Variants in CCDC71 observed in about 807,000 individuals in gnomAD.
CCDC71 encodes coiled-coil domain containing 71, also known as coiled-coil domain-containing protein 71.
For missense variants in CCDC71, 594 were observed against 604.0 expected (o/e 0.98, Z 0.17); for synonymous variants, 257 against 242.2 (o/e 1.06, Z -0.57).
In CCDC71 at chr3:49,162,703, CG is replaced by C. The variant is rs1400231496; in HGVS notation, c.*101del. On this transcript the variant is annotated 3_prime_UTR_variant, in exon 2 of 2. Coordinates refer to ENST00000321895, the MANE Select transcript of CCDC71 (RefSeq NM_022903.4). ...GGTCACCAGGGCCCTAGAGAGGCAC[CG>C]GGAGTCCTCAAGATTGTGGAGTCCA... is the stretch of plus-strand genomic sequence containing the variant. The C allele has an allele frequency of 5.2e-6, 6 of 1,164,758 alleles. No individual in the cohort carries two copies. The highest frequency in any genetic ancestry group is 5.8e-6 in the Non-Finnish European group (5 of 868,108). 72.2% of individuals were successfully genotyped at this position (1,164,758 alleles called of 1,614,324 possible).
In CCDC71 at chr3:49,163,761, T is replaced by C. The variant is rs1194510233; in HGVS notation, c.448A>G (p.Ser150Gly). 2 of 1,614,138 alleles carry C rather than the reference T, an allele frequency of 1.2e-6. No homozygotes were observed. Among genetic ancestry groups the C allele is most frequent in the South Asian group, 2.2e-5 (2 of 91,086 alleles). ...GCTGCACCCCGGGCATGGCTGGCAC[T>C]TGATTGCTTCAGAGAGCTCAGCAGC... ...NLLLSSLKQS[S>G]ASHARGAAVG... The change falls in exon 2 of 2, where the codon AGT becomes GGT. Residue 150 changes from serine (S) to glycine (G), a missense_variant. Coordinates refer to ENST00000321895, the MANE Select transcript of CCDC71 (RefSeq NM_022903.4).
rs2045706146 is a variant in CCDC71, at chr3:49,163,598, G to A, written c.611C>T (p.Ser204Leu). The change falls in exon 2 of 2, where the codon TCA becomes TTA. Residue 204 changes from serine to leucine, a missense_variant. Coordinates refer to ENST00000321895, the MANE Select transcript of CCDC71 (RefSeq NM_022903.4). ...AKHKAQSLQL[S>L]LADSPLKLRK... The stretch of plus-strand genomic sequence containing the variant: ...CAGTTTCAGAGGAGAGTCTGCAAGT[G>A]AGAGCTGCAGTGACTGTGCCTTGTG... The A allele has an allele frequency of 6.2e-7, 1 of 1,614,116 alleles. No individual in the cohort carries two copies. The highest frequency in any genetic ancestry group is 1.3e-5 in the African/African-American group (1 of 74,948).
chr3:49,163,264 TGCCTTGGCCTTGGCCCGGGCCTTAGCA>T lies in CCDC71; in HGVS notation c.918_944del (p.Lys308_Ala316del), dbSNP rs775903853. ...CTTTGGCCTTAGCCTTGACCTGTGC[TGCCTTGGCCTTGGCCCGGGCCTTAGCA>T]GCCTTGGCCTGTGTTCGAGCCACCT... On this transcript the variant is annotated inframe_deletion, in exon 2 of 2. Transcript: ENST00000321895. 8.3e-6 allele frequency: 13 copies of T among 1,575,114 alleles called. No homozygotes were observed. The highest frequency in any genetic ancestry group is 9.6e-6 in the Non-Finnish European group (11 of 1,150,896).
Position 49,162,759 on chromosome 3 carries a change from A to T in CCDC71, c.*46T>A. On this transcript the variant is annotated 3_prime_UTR_variant, in exon 2 of 2. Coordinates refer to ENST00000321895, the MANE Select transcript of CCDC71 (RefSeq NM_022903.4). The stretch of plus-strand genomic sequence containing the variant: ...CATAGCACACTGTGCCACTAGCCAC[A>T]CAGACAGCTGGGCTTAGTTTCCCCA... The T allele has an allele frequency of 1.9e-6, 3 of 1,577,104 alleles. No individual in the cohort carries two copies. The highest frequency in any genetic ancestry group is 1.3e-5 in the African/African-American group (1 of 74,532).
chr3:49,164,252 G>A lies in CCDC71; in HGVS notation c.-44C>T, dbSNP rs753438526. ...TCTGCCTGGGTATCCGCAAACCAGC[G>A]CTTGGCACCTCCAAGACAAGAGGAA... On this transcript the variant is annotated 5_prime_UTR_variant, in exon 2 of 2. Transcript: ENST00000321895. 1.1e-5 allele frequency: 18 copies of A among 1,569,336 alleles called. No individual in the cohort carries two copies. Among genetic ancestry groups the A allele is most frequent in the East Asian group, 2.3e-5 (1 of 44,308 alleles).
chr3:49,164,014 C>T lies in CCDC71; in HGVS notation c.195G>A (p.Leu65=), dbSNP rs753850412. ...LRDDGFQPTI[L]RSGDVYGYSS... Reference sequence around the variant, plus strand: ...TATAGCCATAGACATCACCACTGCGCAGGATGGTAGGTTGGAAGCCATCAT... The same window carrying T: ...TATAGCCATAGACATCACCACTGCGTAGGATGGTAGGTTGGAAGCCATCAT... Residue 65 remains leucine, a synonymous_variant, in exon 2 of 2, where the codon CTG becomes CTA. Coordinates refer to ENST00000321895, the MANE Select transcript of CCDC71 (RefSeq NM_022903.4). 1.2e-6 allele frequency: 2 copies of T among 1,614,142 alleles called. No individual in the cohort carries two copies. Among genetic ancestry groups the T allele is most frequent in the Non-Finnish European group, 1.7e-6 (2 of 1,180,034 alleles).
chr3:49,163,350 G>T lies in CCDC71; in HGVS notation c.859C>A (p.Arg287=). 6.2e-7 allele frequency: 1 copy of T among 1,613,842 alleles called. No individual in the cohort carries two copies. The highest frequency in any genetic ancestry group is 8.5e-7 in the Non-Finnish European group (1 of 1,180,018). ...GCACGAGCAGCTTTGGCCAGTGTTC[G>T]AGCTACCTTGGCCTGGGCTGTTTTG... ...GTKTAQAKVA[R]TLAKAARAQA... is the part of the protein sequence containing the mutation. The change falls in exon 2 of 2, where the codon CGA becomes AGA. Residue 287 remains arginine (R), a synonymous_variant. Transcript: ENST00000321895.
In CCDC71 at chr3:49,163,149, T is replaced by C. The variant is rs768620897; in HGVS notation, c.1060A>G (p.Lys354Glu). Reference sequence around the variant, plus strand: ...CCCCTGGGCTGGGTCCGAGCCACCTTGGCCTTGGCCCGTACTGCCTTGGCT... The same window carrying C: ...CCCCTGGGCTGGGTCCGAGCCACCTCGGCCTTGGCCCGTACTGCCTTGGCT... ...AKAKAVRAKA[K>E]VARTQPRGRG... Residue 354 changes from lysine to glutamate, a missense_variant, in exon 2 of 2, where the codon AAG (lysine) becomes GAG (glutamate). Physicochemically the swap from Lys to Glu is moderately conservative, Grantham distance 56. Coordinates refer to ENST00000321895, the MANE Select transcript of CCDC71 (RefSeq NM_022903.4). 94 of 1,612,940 alleles carry C rather than the reference T, an allele frequency of 5.8e-5. No individual in the cohort carries two copies. Among genetic ancestry groups the C allele is most frequent in the Non-Finnish European group, 7.6e-5 (90 of 1,179,068 alleles).
chr3:49,163,984 T>C lies in CCDC71; in HGVS notation c.225A>G (p.Ser75=). The change falls in exon 2 of 2, where the codon TCA becomes TCG. Residue 75 remains serine (S), a synonymous_variant. Coordinates refer to ENST00000321895, the MANE Select transcript of CCDC71 (RefSeq NM_022903.4). ...LRSGDVYGYS[S]CTANPPSQTK... is the part of the protein sequence containing the mutation. ...TCTGGCTTGGGGGATTAGCTGTGCA[T>C]GAACTATAGCCATAGACATCACCAC... 6.2e-7 allele frequency: 1 copy of C among 1,614,130 alleles called. No individual in the cohort carries two copies. The highest frequency in any genetic ancestry group is 8.5e-7 in the Non-Finnish European group (1 of 1,180,012).
rs779784279 is a variant in CCDC71 at position 49,163,021 on chromosome 3, T to G, written c.1188A>C (p.Ala396=). ...TTCTCTTCTTGGGAGGAAGATCTTTTGCCTCCTCAGCCCTTTTCCTCTTCT... is the reference window on the plus strand; with the variant it reads ...TTCTCTTCTTGGGAGGAAGATCTTTGGCCTCCTCAGCCCTTTTCCTCTTCT... ...VGQKRKRAEE[A]KDLPPKKRTR... is the part of the protein sequence containing the mutation. The change falls in exon 2 of 2, where the codon GCA becomes GCC. Residue 396 remains alanine (A), a synonymous_variant. Transcript: ENST00000321895. 1 of 1,614,262 alleles carries G rather than the reference T, an allele frequency of 6.2e-7. No homozygotes were observed. Among genetic ancestry groups the G allele is most frequent in the South Asian group, 1.1e-5 (1 of 91,090 alleles).
Position 49,162,679 on chromosome 3 carries a change from G to T in CCDC71, c.*126C>A. 1.3e-6 allele frequency: 1 copy of T among 769,936 alleles called. No individual in the cohort carries two copies. Among genetic ancestry groups the T allele is most frequent in the Non-Finnish European group, 1.9e-6 (1 of 533,040 alleles). 47.7% of individuals were successfully genotyped at this position (769,936 alleles called of 1,614,324 possible). ...TCTGGTTTCTGAAAGGAGGCTGGTG[G>T]TCACCAGGGCCCTAGAGAGGCACCG... is the stretch of plus-strand genomic sequence containing the variant. On this transcript the variant is annotated 3_prime_UTR_variant, in exon 2 of 2. Transcript: ENST00000321895.
intron 1 of CCDC71, among the ~76,000 whole-genome samples, chr3:49,164,593 G>A (rs2045712140): frequency 6.6e-6 from 1 of 152,128 alleles, no homozygotes; most frequent in Non-Finnish European, 1.5e-5. Context: ...CTCAGCTCTG[G>A]GAATACAGGC....
chr3:49,165,921 G>A (rs2045721033), intron 1 of CCDC71, among the ~76,000 whole-genome samples: 1 of 152,222 alleles, frequency 6.6e-6, no homozygotes, highest in Non-Finnish European at 1.5e-5. Flanking sequence ...CCCGGGGAAG[G>A]CAGGAGAAGT....
rs1327252776 is a variant in CCDC71 at position 49,162,969 on chromosome 3, C to A, written c.1240G>T (p.Ala414Ser). ...RTRLGPRSPKAWLGPGTAKLL... is the reference protein window; with the variant it reads ...RTRLGPRSPKSWLGPGTAKLL... ...TTTGCTGTTCCAGGCCCTAGCCATGCCTTAGGAGATCGGGGCCCAAGCCGT... is the reference window on the plus strand; with the variant it reads ...TTTGCTGTTCCAGGCCCTAGCCATGACTTAGGAGATCGGGGCCCAAGCCGT... The change falls in exon 2 of 2, where the codon GCA (alanine) becomes TCA (serine). Residue 414 changes from alanine to serine, a missense_variant. Ala to Ser is a moderately conservative substitution (Grantham distance 99). Transcript: ENST00000321895. 1 of 1,614,164 alleles carries A rather than the reference C, an allele frequency of 6.2e-7. No individual in the cohort carries two copies. The highest frequency in any genetic ancestry group is 8.5e-7 in the Non-Finnish European group (1 of 1,180,052).
chr3:49,164,309 G>A, intron 1 of CCDC71, 49 bp from the exon 2 acceptor site: 1 of 1,138,612 alleles, frequency 8.8e-7, no homozygotes, highest in Non-Finnish European at 1.3e-6. Context: ...TAAGACAAGG[G>A]GCCAGAACAC....
chr3:49,162,801 G>T lies in CCDC71; in HGVS notation c.*4C>A. On this transcript the variant is annotated 3_prime_UTR_variant, in exon 2 of 2. Coordinates refer to ENST00000321895, the MANE Select transcript of CCDC71 (RefSeq NM_022903.4). ...GTTTCCCCAAACATTGCCGTGTGAA[G>T]GAATCAGACTGCTGAATATGGCAGC... 6.2e-7 allele frequency: 1 copy of T among 1,611,270 alleles called. No homozygotes were observed. The highest frequency in any genetic ancestry group is 8.5e-7 in the Non-Finnish European group (1 of 1,177,960).
In CCDC71 at chr3:49,163,694, G is replaced by C. The variant is rs1266424019; in HGVS notation, c.515C>G (p.Ala172Gly). ...CTCAAGGACAACAGAGAGCCGCATGGCAGGGTAGACACCTGGATAAAGGTG... is the reference window on the plus strand; with the variant it reads ...CTCAAGGACAACAGAGAGCCGCATGCCAGGGTAGACACCTGGATAAAGGTG... ...PTHLYPGVYP[A>G]MRLSVVLEAL... The change falls in exon 2 of 2, where the codon GCC becomes GGC. Residue 172 changes from alanine (A) to glycine (G), a missense_variant. Ala to Gly is a moderately conservative substitution (Grantham distance 60). Coordinates refer to ENST00000321895, the MANE Select transcript of CCDC71 (RefSeq NM_022903.4). The C allele has an allele frequency of 1.7e-5, 27 of 1,614,000 alleles. No homozygotes were observed. The highest frequency in any genetic ancestry group is 2.2e-5 in the Non-Finnish European group (26 of 1,180,044).
In CCDC71 at chr3:49,163,282, G is replaced by GAAA; in HGVS notation, c.926_927insTTT (p.Ala309_Arg310insPhe). 6.3e-7 allele frequency: 1 copy of GAAA among 1,590,068 alleles called. No individual in the cohort carries two copies. The highest frequency in any genetic ancestry group is 1.3e-5 in the African/African-American group (1 of 74,438). On this transcript the variant is annotated inframe_insertion, in exon 2 of 2. Transcript: ENST00000321895. ...CCTGTGCTGCCTTGGCCTTGGCCCG[G>GAAA]GCCTTAGCAGCCTTGGCCTGTGTTC...
Position 49,162,921 on chromosome 3 carries a change from T to C in CCDC71, c.1288A>G (p.Lys430Glu). 6.2e-7 allele frequency: 1 copy of C among 1,614,268 alleles called. No homozygotes were observed. ...TAKLLKFRAI[K>E]VDRRSSDDEV... ...TCATCCGAGGACCGCCTATCTACCT[T>C]TATGGCACGGAACTTCAGCAGCTTT... The change falls in exon 2 of 2, where the codon AAG (lysine) becomes GAG (glutamate). Residue 430 changes from lysine to glutamate, a missense_variant. Physicochemically the swap from Lys to Glu is moderately conservative, Grantham distance 56 (BLOSUM62 1). Coordinates refer to ENST00000321895, the MANE Select transcript of CCDC71 (RefSeq NM_022903.4).
Sources: gnomAD v4.1 joint callset for allele counts (sites outside exome capture counted in the v4.1 genomes callset) on GRCh38, gnomAD v4.1.1 for gene constraint, MANE v1.5 for transcripts, NCBI Gene and HGNC (gene_info 2026-07-23, HGNC 2026-07-21) for gene names.